ALG10B: variants seen among roughly 807,000 people sequenced by gnomAD.
ALG10B encodes ALG10 alpha-1,2-glucosyltransferase B, also known as dol-P-Glc:Glc(2)Man(9)GlcNAc(2)-PP-Dol alpha-1,2-glucosyltransferase B.
In ALG10B, 27 loss-of-function variants were observed where a neutral mutation model predicts 38.7. That is an observed-to-expected ratio of 0.70 (90% confidence interval 0.51 to 0.96). The LOEUF (loss-of-function observed/expected upper bound fraction) is 0.96. Ranked by LOEUF, ALG10B falls within the 40% of genes least tolerant of loss-of-function variation. The pLI, the probability that ALG10B is intolerant of heterozygous loss-of-function variation, is 0.00. For missense variants in ALG10B, 522 were observed against 542.7 expected (o/e 0.96, Z 0.38); for synonymous variants, 177 against 193.3 (o/e 0.92, Z 0.70).
At chr12:38,319,114 T>G (rs750223024) in intron 2 of ALG10B, among the ~76,000 whole-genome samples, 5 of 152,178 alleles carry the variant, frequency 3.3e-5, no homozygotes, top group Non-Finnish European at 7.3e-5. Context: ...GTAGTGTCAA[T>G]TATGATAGAG....
In ALG10B at chr12:38,316,872, G is replaced by A; in HGVS notation, c.-22G>A. On this transcript the variant is annotated 5_prime_UTR_variant, in exon 1 of 3. Coordinates refer to ENST00000308742, the MANE Select transcript of ALG10B (RefSeq NM_001013620.4). ...AGAATTTTCCAGGAGTGGGTTCTTG[G>A]GCAGTGGCTGTGGGAGCAGGAATGG... 2 of 1,614,024 alleles carry A rather than the reference G, an allele frequency of 1.2e-6. No homozygotes were observed. Among genetic ancestry groups the A allele is most frequent in the Non-Finnish European group, 1.7e-6 (2 of 1,179,960 alleles).
rs1269691376 is a variant in ALG10B, at chr12:38,329,658, T to TA, written c.*8451dup. The stretch of plus-strand genomic sequence containing the variant: ...TGCTTTTCAGTCAACTTATTCTTTA[T>TA]AAAAAAGTTTGTTCAAATAGCATGT... On this transcript the variant is annotated 3_prime_UTR_variant, in exon 3 of 3. Coordinates refer to ENST00000308742, the MANE Select transcript of ALG10B (RefSeq NM_001013620.4). 6.5e-6 allele frequency: 1 copy of TA among 154,834 alleles called. No individual in the cohort carries two copies. The highest frequency in any genetic ancestry group is 1.4e-5 in the Non-Finnish European group (1 of 69,930). The allele number at this position is 154,834 out of a possible 1,614,324, so 9.6% of individuals were successfully genotyped here.
rs1299793948 is a variant in ALG10B at position 38,328,744 on chromosome 12, T to C, written c.*7531T>C. On this transcript the variant is annotated 3_prime_UTR_variant, in exon 3 of 3. Transcript: ENST00000308742. ...GTAATCATTAGACGATTTAACCTAA[T>C]ATATCTTCCCATATGATATGATCTT... 3 of 153,552 alleles carry C rather than the reference T, an allele frequency of 2.0e-5. No homozygotes were observed. The highest frequency in any genetic ancestry group is 1.3e-4 in the Admixed American group (2 of 15,310). 9.5% of individuals were successfully genotyped at this position (153,552 alleles called of 1,614,324 possible). A position where few individuals can be genotyped will look rare whatever the true frequency, so the allele number is the denominator to read the frequency against.
chr12:38,316,840 C>T lies in ALG10B; in HGVS notation c.-54C>T. 1 of 1,613,574 alleles carries T rather than the reference C, an allele frequency of 6.2e-7. No homozygotes were observed. Among genetic ancestry groups the T allele is most frequent in the Non-Finnish European group, 8.5e-7 (1 of 1,179,864 alleles). Reference sequence around the variant, plus strand: ...AGCCCAAGTTTCCAGCTCGGGTTTCCGGGCTCAGAATTTTCCAGGAGTGGG... The same window carrying T: ...AGCCCAAGTTTCCAGCTCGGGTTTCTGGGCTCAGAATTTTCCAGGAGTGGG... On this transcript the variant is annotated 5_prime_UTR_variant, in exon 1 of 3. Coordinates refer to ENST00000308742, the MANE Select transcript of ALG10B (RefSeq NM_001013620.4).
rs1386694646 is a variant in ALG10B at position 38,316,884 on chromosome 12, G to A, written c.-10G>A. 3 of 1,614,112 alleles carry A rather than the reference G, an allele frequency of 1.9e-6. No homozygotes were observed. Among genetic ancestry groups the A allele is most frequent in the Non-Finnish European group, 2.5e-6 (3 of 1,180,014 alleles). ...GAGTGGGTTCTTGGGCAGTGGCTGTGGGAGCAGGAATGGCGCAGCTAGAGG... is the reference window on the plus strand; with the variant it reads ...GAGTGGGTTCTTGGGCAGTGGCTGTAGGAGCAGGAATGGCGCAGCTAGAGG... On this transcript the variant is annotated 5_prime_UTR_variant, in exon 1 of 3. Transcript: ENST00000308742.
rs1945703331 is a variant in ALG10B at position 38,321,303 on chromosome 12, C to A, written c.*90C>A. On this transcript the variant is annotated 3_prime_UTR_variant, in exon 3 of 3. Coordinates refer to ENST00000308742, the MANE Select transcript of ALG10B (RefSeq NM_001013620.4). ...TGAATAGGTGGAAAACATGGAATTTCTTTTAGGTGCAGTGGTGGTCCTCAA... is the reference window on the plus strand; with the variant it reads ...TGAATAGGTGGAAAACATGGAATTTATTTTAGGTGCAGTGGTGGTCCTCAA... 1.5e-6 allele frequency: 2 copies of A among 1,359,476 alleles called. No individual in the cohort carries two copies. Among genetic ancestry groups the A allele is most frequent in the Admixed American group, 4.4e-5 (2 of 45,672 alleles). 84.2% of individuals were successfully genotyped at this position (1,359,476 alleles called of 1,614,324 possible). A position where few individuals can be genotyped will look rare whatever the true frequency, so the allele number is the denominator to read the frequency against.
chr12:38,317,994 GC>G (rs1199523232), intron 1 of ALG10B: 1 of 474,868 alleles, frequency 2.1e-6, no homozygotes, highest in African/African-American at 1.9e-5. Context: ...CAAAATAAAG[GC>G]TTTTAAAGAA....
rs1429661582 is a variant in ALG10B, at chr12:38,327,305, A to C, written c.*6092A>C. 2 of 152,086 alleles carry C rather than the reference A, an allele frequency of 1.3e-5. No individual in the cohort carries two copies. The highest frequency in any genetic ancestry group is 4.8e-5 in the African/African-American group (2 of 41,404). 9.4% of individuals were successfully genotyped at this position (152,086 alleles called of 1,614,324 possible). A position where few individuals can be genotyped will look rare whatever the true frequency, so the allele number is the denominator to read the frequency against. On this transcript the variant is annotated 3_prime_UTR_variant, in exon 3 of 3. Transcript: ENST00000308742. The stretch of plus-strand genomic sequence containing the variant: ...TATTGGTTTTTCACAGTGAAACTTA[A>C]TTCAGTTTAGTTGAACCATATATGT...
chr12:38,318,765 G>C (rs1024627891), intron 2 of ALG10B, among the ~76,000 whole-genome samples: 1 of 152,208 alleles, frequency 6.6e-6, no homozygotes, highest in Admixed American at 6.5e-5. Context: ...AAATGAGGCA[G>C]TCTTTTTCTT....
Position 38,323,716 on chromosome 12 carries a change from G to A in ALG10B, c.*2503G>A. ...AAATAGATCGGCATTAGTTATAACA[G>A]TGATTGTAGAAAAACGTGTTTTACC... On this transcript the variant is annotated 3_prime_UTR_variant, in exon 3 of 3. Transcript: ENST00000308742. 1 of 590,118 alleles carries A rather than the reference G, an allele frequency of 1.7e-6. No individual in the cohort carries two copies. 36.6% of individuals were successfully genotyped at this position (590,118 alleles called of 1,614,324 possible).
chr12:38,316,772 A>G, upstream of ALG10B: 1 of 1,527,734 alleles, frequency 6.5e-7, no homozygotes, highest in Non-Finnish European at 9.0e-7. Context: ...GCCTTCCGGT[A>G]TGTGGCCCCG....
rs746458601 is a variant in ALG10B at position 38,320,242 on chromosome 12, T to C, written c.451T>C (p.Tyr151His). 6.2e-7 allele frequency: 1 copy of C among 1,614,060 alleles called. No homozygotes were observed. The highest frequency in any genetic ancestry group is 1.1e-5 in the South Asian group (1 of 91,082). The change falls in exon 3 of 3, where the codon TAT becomes CAT. Residue 151 changes from tyrosine (Y) to histidine (H), a missense_variant. Physicochemically the swap from Tyr to His is moderately conservative, Grantham distance 83. Coordinates refer to ENST00000308742, the MANE Select transcript of ALG10B (RefSeq NM_001013620.4). ...ACTTTATTTTTTTAACTTCCTTTAT[T>C]ATACAGAAGCAGGATCTATGTTTTT... ...PTLYFFNFLY[Y>H]TEAGSMFFTL...
In ALG10B at chr12:38,329,273, A is replaced by G; in HGVS notation, c.*8060A>G. ...CCTCAAATTGATATATGTTGTAATTATGAATTTAAGGAAGTAAAAAAATAA... is the reference window on the plus strand; with the variant it reads ...CCTCAAATTGATATATGTTGTAATTGTGAATTTAAGGAAGTAAAAAAATAA... On this transcript the variant is annotated 3_prime_UTR_variant, in exon 3 of 3. Transcript: ENST00000308742. 5.5e-6 allele frequency: 2 copies of G among 365,236 alleles called. No homozygotes were observed. Among genetic ancestry groups the G allele is most frequent in the Admixed American group, 5.4e-5 (1 of 18,498 alleles). 22.6% of individuals were successfully genotyped at this position (365,236 alleles called of 1,614,324 possible).
At position 38,327,851 on chromosome 12, in the gene ALG10B, A is replaced by G. The variant is rs1945759785; in HGVS notation, c.*6638A>G. The G allele has an allele frequency of 6.6e-6, 1 of 152,208 alleles. No homozygotes were observed. Among genetic ancestry groups the G allele is most frequent in the African/African-American group, 2.4e-5 (1 of 41,448 alleles). 9.4% of individuals were successfully genotyped at this position (152,208 alleles called of 1,614,324 possible). A position where few individuals can be genotyped will look rare whatever the true frequency, so the allele number is the denominator to read the frequency against. On this transcript the variant is annotated 3_prime_UTR_variant, in exon 3 of 3. Coordinates refer to ENST00000308742, the MANE Select transcript of ALG10B (RefSeq NM_001013620.4). ...TGTTGTAAGATAAATGACTAAAATT[A>G]TGTGGGATATTTAATTTGGATAAGT...
At position 38,322,922 on chromosome 12, in the gene ALG10B, T is replaced by C. The variant is rs890573286; in HGVS notation, c.*1709T>C. On this transcript the variant is annotated 3_prime_UTR_variant, in exon 3 of 3. Transcript: ENST00000308742. ...TAATGTCCTCCACGATCATCCATATTGTTGCAAATGACACAATTTCTTCCT... is the reference window on the plus strand; with the variant it reads ...TAATGTCCTCCACGATCATCCATATCGTTGCAAATGACACAATTTCTTCCT... The C allele has an allele frequency of 6.6e-6, 1 of 152,218 alleles. No homozygotes were observed. The highest frequency in any genetic ancestry group is 2.4e-5 in the African/African-American group (1 of 41,452). 9.4% of individuals were successfully genotyped at this position (152,218 alleles called of 1,614,324 possible).
rs1218057030 is a variant in ALG10B, at chr12:38,325,777, A to G, written c.*4564A>G. The G allele has an allele frequency of 2.6e-5, 4 of 152,160 alleles. No homozygotes were observed. Among genetic ancestry groups the G allele is most frequent in the Admixed American group, 1.3e-4 (2 of 15,268 alleles). The allele number at this position is 152,160 out of a possible 1,614,324, so 9.4% of individuals were successfully genotyped here. On this transcript the variant is annotated 3_prime_UTR_variant, in exon 3 of 3. Transcript: ENST00000308742. ...AGTCCTCATTTCAAATGAGAATAGTATTTGTCCTAACTCTAGTCAGTGTCT... is the reference window on the plus strand; with the variant it reads ...AGTCCTCATTTCAAATGAGAATAGTGTTTGTCCTAACTCTAGTCAGTGTCT...
In ALG10B at chr12:38,324,312, C is replaced by T. The variant is rs539928027; in HGVS notation, c.*3099C>T. 1.6e-4 allele frequency: 29 copies of T among 181,170 alleles called. No homozygotes were observed. Among genetic ancestry groups the T allele is most frequent in the Non-Finnish European group, 8.1e-5 (7 of 86,054 alleles). 11.2% of individuals were successfully genotyped at this position (181,170 alleles called of 1,614,324 possible). A position where few individuals can be genotyped will look rare whatever the true frequency, so the allele number is the denominator to read the frequency against. On this transcript the variant is annotated 3_prime_UTR_variant, in exon 3 of 3. Coordinates refer to ENST00000308742, the MANE Select transcript of ALG10B (RefSeq NM_001013620.4). Reference sequence around the variant, plus strand: ...CCTCCCAAAGTGCTGGGATTACAGGCGTGAGCCACTGTGCCCAGCTCTTCT... The same window carrying T: ...CCTCCCAAAGTGCTGGGATTACAGGTGTGAGCCACTGTGCCCAGCTCTTCT...
In ALG10B at chr12:38,318,285, C is replaced by T. The variant is rs1474953497; in HGVS notation, c.196C>T (p.Pro66Ser). The change falls in exon 2 of 3, where the codon CCT becomes TCT. Residue 66 changes from proline (P) to serine (S), a missense_variant. Coordinates refer to ENST00000308742, the MANE Select transcript of ALG10B (RefSeq NM_001013620.4). ...GTGGGATCCCATGATTACTACATTACCTGGCTTGTACCTGGTGTCAGTTGG... is the reference window on the plus strand; with the variant it reads ...GTGGGATCCCATGATTACTACATTATCTGGCTTGTACCTGGTGTCAGTTGG... ...SQWDPMITTL[P>S]GLYLVSVGVV... The T allele has an allele frequency of 6.2e-7, 1 of 1,614,078 alleles. No individual in the cohort carries two copies. Among genetic ancestry groups the T allele is most frequent in the Non-Finnish European group, 8.5e-7 (1 of 1,179,980 alleles).
At position 38,320,216 on chromosome 12, in the gene ALG10B, C is replaced by T. The variant is rs778860949; in HGVS notation, c.425C>T (p.Thr142Ile). 6.8e-6 allele frequency: 11 copies of T among 1,613,846 alleles called. No homozygotes were observed. In the African/African-American group the frequency reaches 1.1e-4, roughly 16 times the overall value. The change falls in exon 3 of 3, where the codon ACA (threonine) becomes ATA (isoleucine). Residue 142 changes from threonine (T) to isoleucine (I), a missense_variant. Coordinates refer to ENST00000308742, the MANE Select transcript of ALG10B (RefSeq NM_001013620.4). ...LSTLTLAVFP[T>I]LYFFNFLYYT... is the part of the protein sequence containing the mutation. ...ACATTAACACTAGCAGTATTTCCAACACTTTATTTTTTTAACTTCCTTTAT... is the reference window on the plus strand; with the variant it reads ...ACATTAACACTAGCAGTATTTCCAATACTTTATTTTTTTAACTTCCTTTAT...
Sources: allele counts gnomAD v4.1 joint callset (sites outside exome capture counted in the v4.1 genomes callset), GRCh38; gene constraint gnomAD v4.1.1; transcripts MANE v1.5; gene names NCBI Gene and HGNC (gene_info 2026-07-23, HGNC 2026-07-21).